Variants in KIAA1958 observed in about 807,000 individuals in gnomAD.
KIAA1958 encodes KIAA1958, also known as uncharacterized protein KIAA1958.
A neutral mutation model predicts 47.2 loss-of-function variants in KIAA1958; 14 were observed. The observed-to-expected ratio is 0.30, with a 90% CI of 0.20 to 0.46. The LOEUF is 0.46. Among genes scored for constraint, KIAA1958 ranks in the 20% least tolerant of loss-of-function variants. KIAA1958 has a pLI of 1.00. For synonymous variants in KIAA1958, 354 were observed against 353.3 expected (o/e 1.00, Z -0.02); for missense variants, 803 against 909.2 (o/e 0.88, Z 1.50).
intron 2 of KIAA1958, among the ~76,000 whole-genome samples, chr9:112,594,249 A>G (rs1231072466): frequency 6.6e-6 from 1 of 152,208 alleles, no homozygotes; most frequent in Non-Finnish European, 1.5e-5. Context: ...ATTTCTGCCA[A>G]ATGTTTTCCA....
At chr9:112,499,518 G>A (rs1834097932) in intron 1 of KIAA1958, among the ~76,000 whole-genome samples, 2 of 151,936 alleles carry the variant, frequency 1.3e-5, no homozygotes, top group Non-Finnish European at 2.9e-5. Flanking sequence ...TATATTCATT[G>A]AAAAGCATAT....
intron 1 of KIAA1958, among the ~76,000 whole-genome samples, chr9:112,557,339 C>T (rs764619886): frequency 6.0e-4 from 92 of 152,298 alleles, no homozygotes; most frequent in Middle Eastern, 3.4e-3. Context: ...TTTCTACCCT[C>T]CTATAGCCTG....
At chr9:112,584,182 C>A (rs546501479) in intron 2 of KIAA1958, among the ~76,000 whole-genome samples, 1 of 152,242 alleles carries the variant, frequency 6.6e-6, no homozygotes, top group South Asian at 2.1e-4. Flanking sequence ...CCCAGCCCTG[C>A]CCCCTTCTTT....
chr9:112,552,390 G>A (rs566818679), intron 1 of KIAA1958, among the ~76,000 whole-genome samples: 1 of 152,238 alleles, frequency 6.6e-6, no homozygotes, highest in Admixed American at 6.5e-5. Context: ...AGCTTACACC[G>A]TGTTCATAGT....
chr9:112,517,080 A>C (rs886248788), intron 1 of KIAA1958, among the ~76,000 whole-genome samples: 7 of 152,382 alleles, frequency 4.6e-5, no homozygotes, highest in African/African-American at 1.4e-4. Context: ...ACACTTCTCT[A>C]TGTAGGAAGA....
intron 1 of KIAA1958, among the ~76,000 whole-genome samples, chr9:112,527,947 A>G (rs1038585638): frequency 2.0e-5 from 3 of 151,972 alleles, no homozygotes; most frequent in Non-Finnish European, 4.4e-5. Context: ...AAAAAAAAAA[A>G]AAAAAGAAAA....
In KIAA1958 at chr9:112,618,005, A is replaced by C; in HGVS notation, c.1172-27645A>C. 6.4e-7 allele frequency: 1 copy of C among 1,550,588 alleles called. No individual in the cohort carries two copies. The highest frequency in any genetic ancestry group is 8.7e-7 in the Non-Finnish European group (1 of 1,146,992). Reference sequence around the variant, plus strand: ...TTCTGAAACAAGAGAGATTTATGTCATCCCTTGCAAGGAGTTGGATGCCTA... The same window carrying C: ...TTCTGAAACAAGAGAGATTTATGTCCTCCCTTGCAAGGAGTTGGATGCCTA... On this transcript the variant is annotated intron_variant, in intron 2 of 3. Coordinates refer to ENST00000337530, the MANE Select transcript of KIAA1958 (RefSeq NM_133465.4). This position sits in a 1 kb window ranked among gnomAD's most constrained non-coding sequence, Gnocchi z 7.1.
Position 112,668,611 on chromosome 9 carries a change from T to C in KIAA1958, c.*8542T>C, listed in dbSNP as rs769883693. On this transcript the variant is annotated 3_prime_UTR_variant, in exon 4 of 4. Coordinates refer to ENST00000337530, the MANE Select transcript of KIAA1958 (RefSeq NM_133465.4). ...TCAGCTCTGATGCTCAGTTTCTTCC[T>C]GGCAATAGAATGGTTTTATCTGTGC... 5 of 152,264 alleles carry C rather than the reference T, an allele frequency of 3.3e-5. No homozygotes were observed. The highest frequency in any genetic ancestry group is 7.3e-5 in the Non-Finnish European group (5 of 68,048). The allele number at this position is 152,264 out of a possible 1,614,324, so 9.4% of individuals were successfully genotyped here.
In KIAA1958 at chr9:112,618,941, G is replaced by C. The variant is rs769958295; in HGVS notation, c.1172-26709G>C. The C allele has an allele frequency of 6.7e-7, 1 of 1,499,230 alleles. No homozygotes were observed. Among genetic ancestry groups the C allele is most frequent in the East Asian group, 2.5e-5 (1 of 40,250 alleles). The allele number at this position is 1,499,230 out of a possible 1,614,324, so 92.9% of individuals were successfully genotyped here. On this transcript the variant is annotated intron_variant, in intron 2 of 3. Coordinates refer to ENST00000337530, the MANE Select transcript of KIAA1958 (RefSeq NM_133465.4). The surrounding 1 kb of genome is among the most constrained non-coding windows in gnomAD (Gnocchi z 7.1). ...ACCAGGTGGCTTGAGCAAGACTCCA[G>C]TTTGGTTACTGTGTCCGGAGAAACT...
intron 1 of KIAA1958, among the ~76,000 whole-genome samples, chr9:112,524,074 A>G (rs916962148): frequency 2.0e-5 from 3 of 152,304 alleles, no homozygotes; most frequent in African/African-American, 4.8e-5. Context: ...TTTCCCATCT[A>G]TATCTCCACA....
At chr9:112,533,498 G>A (rs1005237299) in intron 1 of KIAA1958, among the ~76,000 whole-genome samples, 3 of 147,584 alleles carry the variant, frequency 2.0e-5, no homozygotes, top group South Asian at 2.1e-4. Context: ...GTAGAATGGC[G>A]TGAACCCGGG....
intron 1 of KIAA1958, among the ~76,000 whole-genome samples, chr9:112,555,888 A>G (rs972838840): frequency 4.0e-5 from 6 of 149,090 alleles, no homozygotes; most frequent in Non-Finnish European, 9.0e-5. Flanking sequence ...CAGCCTGGCC[A>G]ACATGGTAAA....
chr9:112,632,986 C>T (rs181925457), intron 2 of KIAA1958, among the ~76,000 whole-genome samples: 191 of 149,846 alleles, frequency 1.3e-3, no homozygotes, highest in African/African-American at 4.6e-3. Flanking sequence ...CCTAAATTTG[C>T]TTTTGTTTTT....
chr9:112,533,378 C>T (rs1834786531), intron 1 of KIAA1958, among the ~76,000 whole-genome samples: 1 of 150,586 alleles, frequency 6.6e-6, no homozygotes, highest in Non-Finnish European at 1.5e-5. Context: ...AGATCGAGAC[C>T]ACCCTGGCTA....
At chr9:112,526,807 A>T (rs371359814) in intron 1 of KIAA1958, among the ~76,000 whole-genome samples, 15 of 152,198 alleles carry the variant, frequency 9.9e-5, no homozygotes, top group African/African-American at 3.6e-4. Flanking sequence ...ACTAGCAATT[A>T]AACTTCAACA....
At chr9:112,537,854 G>T (rs1295407689) in intron 1 of KIAA1958, among the ~76,000 whole-genome samples, 1 of 152,132 alleles carries the variant, frequency 6.6e-6, no homozygotes, top group Non-Finnish European at 1.5e-5. Flanking sequence ...TTTGAATGGA[G>T]AAATTTAGGA....
At chr9:112,519,223 CAT>C (rs1834495329) in intron 1 of KIAA1958, among the ~76,000 whole-genome samples, 1 of 152,162 alleles carries the variant, frequency 6.6e-6, no homozygotes, top group Admixed American at 6.5e-5. Flanking sequence ...GGATTACAGA[CAT>C]GAGCCATCAT....
intron 3 of KIAA1958, among the ~76,000 whole-genome samples, chr9:112,647,938 TTTA>T (rs1837003461): frequency 6.6e-6 from 1 of 152,214 alleles, no homozygotes; most frequent in Non-Finnish European, 1.5e-5. Context: ...AATTTCATCG[TTTA>T]TTGAGAAAAA....
At chr9:112,613,582 TATAAC>T (rs1421087592) in intron 2 of KIAA1958, among the ~76,000 whole-genome samples, 3 of 152,016 alleles carry the variant, frequency 2.0e-5, no homozygotes, top group African/African-American at 7.2e-5. Flanking sequence ...TTGTAATAAA[TATAAC>T]AAACATTCAT....
Sources: gnomAD v4.1 joint callset for allele counts (sites outside exome capture counted in the v4.1 genomes callset) on GRCh38, gnomAD v4.1.1 for gene constraint, Gnocchi (gnomAD v3.1) non-coding constraint, MANE v1.5 for transcripts, NCBI Gene and HGNC (gene_info 2026-07-23, HGNC 2026-07-21) for gene names.